The following PCTP variants were observed in gnomAD, a reference collection of about 807,000 sequenced individuals.
PCTP encodes phosphatidylcholine transfer protein.
In PCTP, 27 loss-of-function variants were observed where a neutral mutation model predicts 31.0. That is an observed-to-expected ratio of 0.87 (90% CI 0.64 to 1.20). The LOEUF (loss-of-function observed/expected upper bound fraction) is 1.20. Among genes scored for constraint, PCTP ranks in the 50% most tolerant of loss-of-function variants. PCTP has a pLI of 0.00. For missense variants in PCTP, 287 were observed against 268.2 expected (o/e 1.07, Z -0.49); for synonymous variants, 108 against 101.2 (o/e 1.07, Z -0.40).
intron 3 of PCTP, among the ~76,000 whole-genome samples, chr17:55,802,614 A>G (rs1195574456): frequency 6.6e-6 from 1 of 152,230 alleles, no homozygotes; most frequent in African/African-American, 2.4e-5. Context: ...AATGACAAAA[A>G]CCACATGATA....
chr17:55,814,349 G>A (rs977490198), intron 3 of PCTP, among the ~76,000 whole-genome samples: 1 of 152,188 alleles, frequency 6.6e-6, no homozygotes, highest in Non-Finnish European at 1.5e-5. Context: ...AAAATGAGTT[G>A]TATTCTAGTT....
intron 1 of PCTP, among the ~76,000 whole-genome samples, chr17:55,759,384 G>C (rs911913421): frequency 2.6e-5 from 4 of 152,178 alleles, no homozygotes; most frequent in Non-Finnish European, 4.4e-5. Context: ...CATTTTCTTA[G>C]AGAGGTCTTA....
chr17:55,758,437 A>G (rs1453410906), intron 1 of PCTP, among the ~76,000 whole-genome samples: 1 of 152,248 alleles, frequency 6.6e-6, no homozygotes, highest in Admixed American at 6.5e-5. Context: ...TCCATCTCAC[A>G]GGAGAAGAGA....
intron 3 of PCTP, among the ~76,000 whole-genome samples, chr17:55,800,817 A>G (rs1476733314): frequency 4.6e-5 from 7 of 151,666 alleles, no homozygotes; most frequent in Admixed American, 2.6e-4. Flanking sequence ...CTGTGTGGAC[A>G]TCTTTTTTTT....
intron 3 of PCTP, among the ~76,000 whole-genome samples, chr17:55,799,366 G>T (rs1054428494): frequency 1.3e-5 from 2 of 151,052 alleles, no homozygotes; most frequent in African/African-American, 4.9e-5. Flanking sequence ...GGCTAGGATT[G>T]CAGTCCCTGC....
intron 5 of PCTP, among the ~76,000 whole-genome samples, chr17:55,835,150 A>G (rs534726362): frequency 3.3e-5 from 5 of 152,184 alleles, no homozygotes; most frequent in African/African-American, 1.2e-4. Context: ...GCAAGGAGGG[A>G]TCCTCCCTTA....
rs558623794 is a variant in PCTP at position 55,768,362 on chromosome 17, GT to G, written c.259+914del. On this transcript the variant is annotated intron_variant, in intron 2 of 5. Transcript: ENST00000268896. ...TGAAAGGGGAGGAGGTGCGGTCCAA[GT>G]TTTGGTTTGAGAGTTGAATCAAAAT... Among the ~76,000 whole-genome samples the G allele has an allele frequency of 1.2e-3, 179 of 152,248 alleles. 1 individual carries two copies. The highest frequency in any genetic ancestry group is 4.0e-3 in the African/African-American group (166 of 41,552).
intron 5 of PCTP, among the ~76,000 whole-genome samples, chr17:55,829,689 A>C (rs976092427): frequency 6.8e-6 from 1 of 146,128 alleles, no homozygotes; most frequent in Non-Finnish European, 1.5e-5. Flanking sequence ...TAATAATTTA[A>C]ACACACACAC....
chr17:55,818,244 G>A (rs544852186), intron 3 of PCTP, among the ~76,000 whole-genome samples: 1 of 151,894 alleles, frequency 6.6e-6, no homozygotes, highest in South Asian at 2.1e-4. Flanking sequence ...GGGTGGGTAG[G>A]CATGTATTTT....
intron 3 of PCTP, among the ~76,000 whole-genome samples, chr17:55,772,259 A>G (rs374429038): frequency 1.3e-5 from 2 of 151,348 alleles, no homozygotes; most frequent in Admixed American, 6.6e-5. Context: ...AGACTGTCCA[A>G]TGTGAGGGTG....
At chr17:55,821,070 A>G (rs1913097947) in intron 3 of PCTP, among the ~76,000 whole-genome samples, 1 of 152,252 alleles carries the variant, frequency 6.6e-6, no homozygotes, top group Non-Finnish European at 1.5e-5. Context: ...ATAAAAACAC[A>G]GGTCAACACA....
chr17:55,781,038 T>C (rs1424572433), downstream of PCTP, among the ~76,000 whole-genome samples: 1 of 151,576 alleles, frequency 6.6e-6, no homozygotes, highest in Non-Finnish European at 1.5e-5. Context: ...AAATAGCAGC[T>C]TTGCCTATAC....
At chr17:55,843,028 T>C (rs1318376870), downstream of PCTP, among the ~76,000 whole-genome samples, 4 of 152,182 alleles carry the variant, frequency 2.6e-5, no homozygotes, top group Non-Finnish European at 4.4e-5. Context: ...ATAGATGCTA[T>C]CATGGCCCTG....
chr17:55,800,489 G>A (rs535164925), intron 3 of PCTP, among the ~76,000 whole-genome samples: 26 of 151,926 alleles, frequency 1.7e-4, no homozygotes, highest in African/African-American at 6.0e-4. Flanking sequence ...CTTTTTTCAA[G>A]ATTCCTAGCT....
At chr17:55,792,953 CAT>C (rs1272382285) in intron 3 of PCTP, among the ~76,000 whole-genome samples, 1 of 152,078 alleles carries the variant, frequency 6.6e-6, no homozygotes, top group Non-Finnish European at 1.5e-5. Flanking sequence ...CCCAACAAAT[CAT>C]AGTTCCCCAA....
intron 1 of PCTP, among the ~76,000 whole-genome samples, chr17:55,755,432 T>C (rs1177090795): frequency 1.3e-5 from 2 of 152,194 alleles, no homozygotes; most frequent in East Asian, 3.8e-4. Flanking sequence ...TACATGTTTT[T>C]AAAAGACTGA....
intron 2 of PCTP, chr17:55,770,888 T>G: frequency 2.6e-6 from 1 of 381,456 alleles, no homozygotes; most frequent in Non-Finnish European, 4.7e-6. Context: ...CCTGGCTGAT[T>G]TTTTTGCTTT....
intron 2 of PCTP, among the ~76,000 whole-genome samples, chr17:55,767,875 T>C (rs1246855938): frequency 6.7e-6 from 1 of 148,648 alleles, no homozygotes. Context: ...GACAGATCAC[T>C]TGAGGCCAGG....
downstream of PCTP, among the ~76,000 whole-genome samples, chr17:55,824,505 T>C (rs559286431): frequency 2.6e-5 from 4 of 152,234 alleles, no homozygotes; most frequent in Non-Finnish European, 5.9e-5. Context: ...CTGATAATAC[T>C]ATAGGCAACA....
Sources: gnomAD v4.1 joint callset for allele counts (sites outside exome capture counted in the v4.1 genomes callset) on GRCh38, gnomAD v4.1.1 for gene constraint, MANE v1.5 for transcripts, NCBI Gene and HGNC (gene_info 2026-07-23, HGNC 2026-07-21) for gene names.